The following MED16 variants were observed in gnomAD, a reference collection of about 807,000 sequenced individuals.
MED16 encodes mediator complex subunit 16.
MED16 carries 81 observed loss-of-function variants against 84.4 expected under a neutral mutation model. The observed-to-expected ratio is 0.96, with a 90% CI of 0.80 to 1.15. MED16 has a LOEUF of 1.15. MED16 is among the 50% of genes most tolerant of loss of function. The pLI is 0.00. For missense variants in MED16, 1,585 were observed against 1,245.9 expected, an observed-to-expected ratio of 1.27 and a Z score of -4.10; for synonymous variants, 897 against 552.2, an observed-to-expected ratio of 1.62 and a Z score of -8.76.
rs752429814 is a variant in MED16 at position 884,969 on chromosome 19, C to T, written c.919G>A (p.Glu307Lys). ...CCCTCCTTGCGCAGGGACCAGCACTCCACGATGCTGCTGGTCTGGCTGGAC... is the reference window on the plus strand; with the variant it reads ...CCCTCCTTGCGCAGGGACCAGCACTTCACGATGCTGCTGGTCTGGCTGGAC... ...CASSQTSSIV[E>K]CWSLRKEGLP... is the part of the protein sequence containing the mutation. Residue 307 changes from glutamate to lysine, a missense_variant, in exon 6 of 16, where the codon GAG becomes AAG. Coordinates refer to ENST00000325464, the MANE Select transcript of MED16 (RefSeq NM_005481.3). 3.1e-6 allele frequency: 5 copies of T among 1,608,720 alleles called. No homozygotes were observed. The Admixed American group carries it at 8.4e-5, about 27-fold the overall frequency.
chr19:876,547 G>T (rs79961155), intron 9 of MED16, among the ~76,000 whole-genome samples: 1 of 152,216 alleles, frequency 6.6e-6, no homozygotes, highest in African/African-American at 2.4e-5. Context: ...ACGTGTTACA[G>T]AAGAAACTTC....
At chr19:881,884 G>A (rs896002161) in intron 6 of MED16, among the ~76,000 whole-genome samples, 170 bp from the exon 7 acceptor site, 10 of 152,134 alleles carry the variant, frequency 6.6e-5, no homozygotes, top group Admixed American at 2.6e-4. Context: ...CGAGCGCTTC[G>A]TGCCTCGGCC....
intron 8 of MED16, among the ~76,000 whole-genome samples, chr19:878,687 A>G (rs137976345): frequency 0.026 from 162 of 6,120 alleles, no homozygotes; most frequent in Middle Eastern, 0.2. Context: ...AACAGCCCCA[A>G]CCCCACGTGC....
In MED16 at chr19:889,576, C is replaced by T. The variant is rs2036592020; in HGVS notation, c.447+62G>A. ...TGGTGATGGAGAGGAGAGGGGCTGG[C>T]GGGTGGCTGGGTAGGGTGACATCTC... is the stretch of plus-strand genomic sequence containing the variant. On this transcript the variant is annotated intron_variant, in intron 4 of 15. Coordinates refer to ENST00000325464, the MANE Select transcript of MED16 (RefSeq NM_005481.3). The T allele has an allele frequency of 1.0e-5, 16 of 1,540,164 alleles. No homozygotes were observed. The South Asian group carries it at 1.1e-4, about 11-fold the overall frequency.
intron 5 of MED16, among the ~76,000 whole-genome samples, chr19:885,431 A>T (rs1344260478): frequency 6.6e-6 from 1 of 151,996 alleles, no homozygotes; most frequent in Non-Finnish European, 1.5e-5. Flanking sequence ...TCGGTTCGGG[A>T]CACTGAGACG....
intron 6 of MED16, among the ~76,000 whole-genome samples, chr19:882,694 G>C (rs570691719): frequency 6.6e-6 from 1 of 152,358 alleles, no homozygotes; most frequent in African/African-American, 2.4e-5. Context: ...CCAGGAGAGC[G>C]CAGCTGAGGC....
intron 7 of MED16, among the ~76,000 whole-genome samples, chr19:880,912 G>A (rs1365590762): frequency 6.7e-6 from 1 of 149,404 alleles, no homozygotes; most frequent in Non-Finnish European, 1.5e-5. Flanking sequence ...GCAACAGAAT[G>A]AGACTCCAAC....
intron 10 of MED16, among the ~76,000 whole-genome samples, chr19:874,196 C>T (rs1404129480): frequency 6.6e-6 from 1 of 152,136 alleles, no homozygotes; most frequent in African/African-American, 2.4e-5. Context: ...TCACTGCAAG[C>T]TCCGCCTCCC....
At chr19:892,881 A>AGCCCCGAGCCCCGAGCCCCGC (rs1555719500) in intron 1 of MED16, 3 of 137,866 alleles carry the variant, frequency 2.2e-5, no homozygotes, top group African/African-American at 8.3e-5. Flanking sequence ...CTGAGCCCCG[A>AGCCCCGAGCCCCGAGCCCCGC]GCCCCGCGCC....
intron 9 of MED16, among the ~76,000 whole-genome samples, chr19:875,736 C>A (rs2036215644): frequency 6.6e-6 from 1 of 152,142 alleles, no homozygotes; most frequent in Non-Finnish European, 1.5e-5. Context: ...GGTGCCCCTG[C>A]CAAGTAACGG....
At chr19:875,906 G>A (rs867690207) in intron 9 of MED16, among the ~76,000 whole-genome samples, 2 of 152,164 alleles carry the variant, frequency 1.3e-5, no homozygotes, top group South Asian at 4.1e-4. Flanking sequence ...CTGGAGGCTG[G>A]GAGTTGGAGA....
chr19:888,062 G>A (rs1248805926), intron 4 of MED16, among the ~76,000 whole-genome samples: 2 of 151,746 alleles, frequency 1.3e-5, no homozygotes, highest in Non-Finnish European at 2.9e-5. Flanking sequence ...AAAGCAGCCG[G>A]GCGTGGTGGC....
In MED16 at chr19:871,125, G is replaced by A. The variant is rs756668412; in HGVS notation, c.2227C>T (p.Gln743Ter). 18 of 1,548,508 alleles carry A rather than the reference G, an allele frequency of 1.2e-5. No individual in the cohort carries two copies. The highest frequency in any genetic ancestry group is 1.6e-5 in the Non-Finnish European group (18 of 1,145,806). Residue 743 changes from glutamine (Q) to a stop codon, truncating the protein, a stop_gained, in exon 13 of 16, where the codon CAG (glutamine) becomes TAG (stop). Coordinates refer to ENST00000325464, the MANE Select transcript of MED16 (RefSeq NM_005481.3). LOFTEE classifies it high-confidence loss of function. Reference sequence around the variant, plus strand: ...TGCAGACGAAGGGGCTGCTTGGGCTGCAGGCGGCTAACCAGGCCGTCGCTG... The same window carrying A: ...TGCAGACGAAGGGGCTGCTTGGGCTACAGGCGGCTAACCAGGCCGTCGCTG... ...PASDGLVSRL[Q>*]PKQPLRLQFG...
chr19:884,358 G>A (rs2036482144), intron 6 of MED16, among the ~76,000 whole-genome samples: 1 of 151,936 alleles, frequency 6.6e-6, no homozygotes, highest in African/African-American at 2.4e-5. Context: ...CGTGGGTGCG[G>A]GGGGCCCATC....
chr19:868,265 T>C lies in MED16; in HGVS notation c.2484-14A>G, dbSNP rs1347454457. ...CCTTCAACAGCCCTGCAGGGCGGGC[T>C]GAGGTTAACCGCGCCGAGGAGAGTC... is the stretch of plus-strand genomic sequence containing the variant. On this transcript the variant is annotated splice_polypyrimidine_tract_variant and intron_variant, in intron 15 of 15. Coordinates refer to ENST00000325464, the MANE Select transcript of MED16 (RefSeq NM_005481.3). 6.3e-7 allele frequency: 1 copy of C among 1,592,726 alleles called. No homozygotes were observed. The highest frequency in any genetic ancestry group is 2.3e-5 in the East Asian group (1 of 44,024).
chr19:876,183 AG>A, intron 9 of MED16, among the ~76,000 whole-genome samples: 1 of 152,098 alleles, frequency 6.6e-6, no homozygotes, highest in Non-Finnish European at 1.5e-5. Flanking sequence ...GATGGCACAG[AG>A]GAAAACAAGT....
intron 1 of MED16, among the ~76,000 whole-genome samples, chr19:892,162 G>C (rs1382562810): frequency 6.6e-6 from 1 of 152,072 alleles, no homozygotes; most frequent in Non-Finnish European, 1.5e-5. Flanking sequence ...AAAGGCAAAA[G>C]CCCAGGGAGC....
chr19:873,201 G>T, intron 11 of MED16: 1 of 572,888 alleles, frequency 1.7e-6, no homozygotes, highest in South Asian at 2.1e-5. Flanking sequence ...TAGGAAGTGG[G>T]GGTTTAAGAA....
At chr19:873,276 TGGGACTCCAAGCAGGGGC>T (rs1568321514) in intron 11 of MED16, among the ~76,000 whole-genome samples, 155 bp downstream of exon 11, 41 of 50,144 alleles carry the variant, frequency 8.2e-4, no homozygotes, top group Non-Finnish European at 1.2e-3. Context: ...GGGGCTGAGG[TGGGACTCCAAGCAGGGGC>T]GGGACTCCAA....
Sources: gnomAD v4.1 joint callset for allele counts (sites outside exome capture counted in the v4.1 genomes callset) on GRCh38, gnomAD v4.1.1 for gene constraint, MANE v1.5 for transcripts, NCBI Gene and HGNC (gene_info 2026-07-23, HGNC 2026-07-21) for gene names.